Variants in SDK2 observed in about 807,000 individuals in gnomAD.
SDK2 encodes the protein protein sidekick-2.
Under a neutral mutation model 253.9 loss-of-function variants are expected in SDK2, and 105 were observed. The observed-to-expected ratio is 0.41, with a 90% confidence interval of 0.35 to 0.49. The LOEUF is 0.49. SDK2 is among the 20% of genes least tolerant of loss of function. The pLI is 0.06. For missense variants in SDK2, 2,608 were observed against 3,003.0 expected, an observed-to-expected ratio of 0.87 and a Z score of 3.07; for synonymous variants, 1,249 against 1,234.9, an observed-to-expected ratio of 1.01 and a Z score of -0.24.
In SDK2 at chr17:73,555,052, G is replaced by A. The variant is rs1441634301; in HGVS notation, c.65-47455C>T. Among the ~76,000 whole-genome samples, 6 of 152,332 alleles carry A rather than the reference G, an allele frequency of 3.9e-5. No homozygotes were observed. The East Asian group carries it at 1.2e-3, about 29-fold the overall frequency. ...GATGGGGGAGCTTTGTTCTGGGTTG[G>A]CCCTCTGACAGCGCCAATCCCCATC... is the stretch of plus-strand genomic sequence containing the variant. On this transcript the variant is annotated intron_variant, in intron 1 of 44. Coordinates refer to ENST00000392650, the MANE Select transcript of SDK2 (RefSeq NM_001144952.2).
In SDK2 at chr17:73,611,566, T is replaced by C. The variant is rs1041976976; in HGVS notation, c.64+32459A>G. 5.3e-5 allele frequency among the ~76,000 whole-genome samples: 8 copies of C among 152,204 alleles called. 1 individual carries two copies. Among genetic ancestry groups the C allele is most frequent in the African/African-American group, 1.9e-4 (8 of 41,458 alleles). ...AGTTCCCCTGTGGCCTCTGCTCACATGGTAAGTGGAATGAGCACGGCCTCA... is the reference window on the plus strand; with the variant it reads ...AGTTCCCCTGTGGCCTCTGCTCACACGGTAAGTGGAATGAGCACGGCCTCA... On this transcript the variant is annotated intron_variant, in intron 1 of 44. Coordinates refer to ENST00000392650, the MANE Select transcript of SDK2 (RefSeq NM_001144952.2).
rs1193511827 is a variant in SDK2, at chr17:73,443,698, G to A, written c.614-2775C>T. On this transcript the variant is annotated intron_variant, in intron 5 of 44. Transcript: ENST00000392650. The surrounding 1 kb of genome is among the most constrained non-coding windows in gnomAD (Gnocchi z 4.6). ...TGAGGTGGCCAGGGATGCTGGCACA[G>A]TGAGAAAGGGTCCCAGGGGTGAGGA... 6.6e-6 allele frequency among the ~76,000 whole-genome samples: 1 copy of A among 152,250 alleles called. No individual in the cohort carries two copies.
At chr17:73,509,526 A>T (rs78711908) in intron 1 of SDK2, among the ~76,000 whole-genome samples, 3,335 of 151,610 alleles carry the variant, frequency 0.022, 48 homozygotes, top group Non-Finnish European at 0.036. Flanking sequence ...ATGGTGGCTC[A>T]TGCCTGTAAG....
At chr17:73,505,542 A>C (rs2063928300) in intron 2 of SDK2, among the ~76,000 whole-genome samples, 1 of 151,598 alleles carries the variant, frequency 6.6e-6, no homozygotes, top group South Asian at 2.1e-4. Context: ...GGACCTCATC[A>C]TCGTCAATAG....
At chr17:73,527,465 C>T (rs4788852) in intron 1 of SDK2, among the ~76,000 whole-genome samples, 54,904 of 151,892 alleles carry the variant, frequency 0.36, 10,264 homozygotes, top group East Asian at 0.61. Context: ...ACAGCCTGGC[C>T]CATTCACATC....
Position 73,616,330 on chromosome 17 carries a change from C to CA in SDK2, c.64+27694dup, listed in dbSNP as rs1485148808. On this transcript the variant is annotated intron_variant, in intron 1 of 44. Coordinates refer to ENST00000392650, the MANE Select transcript of SDK2 (RefSeq NM_001144952.2). This position sits in a 1 kb window ranked among gnomAD's most constrained non-coding sequence, Gnocchi z 5.2. The stretch of plus-strand genomic sequence containing the variant: ...TTCCACCCCCGGCTCCCCACCTCAA[C>CA]AGTCTCCCCAGCCCCAGCTCAGCAT... Among the ~76,000 whole-genome samples, 5 of 152,170 alleles carry CA rather than the reference C, an allele frequency of 3.3e-5. No homozygotes were observed. Among genetic ancestry groups the CA allele is most frequent in the Non-Finnish European group, 7.4e-5 (5 of 68,012 alleles).
At position 73,616,001 on chromosome 17, in the gene SDK2, G is replaced by A. The variant is rs567092648; in HGVS notation, c.64+28024C>T. ...ACACAACCCAAATACACGTACACAC[G>A]CATGCATGTAGACACATATGCATAT... On this transcript the variant is annotated intron_variant, in intron 1 of 44. Coordinates refer to ENST00000392650, the MANE Select transcript of SDK2 (RefSeq NM_001144952.2). The surrounding 1 kb of genome is among the most constrained non-coding windows in gnomAD (Gnocchi z 5.2). Among the ~76,000 whole-genome samples, 12 of 151,972 alleles carry A rather than the reference G, an allele frequency of 7.9e-5. No homozygotes were observed. The highest frequency in any genetic ancestry group is 1.3e-4 in the Admixed American group (2 of 15,276).
Position 73,361,615 on chromosome 17 carries a change from G to A in SDK2, c.5467+69C>T, listed in dbSNP as rs2062640810. On this transcript the variant is annotated intron_variant, in intron 39 of 44. Coordinates refer to ENST00000392650, the MANE Select transcript of SDK2 (RefSeq NM_001144952.2). The surrounding 1 kb of genome is among the most constrained non-coding windows in gnomAD (Gnocchi z 4.1). ...AGGGTCCAGCACAGCTCTTGACACC[G>A]GGGGCCCCTTCTGACTGGGGACGCT... 9 of 1,504,970 alleles carry A rather than the reference G, an allele frequency of 6.0e-6. No homozygotes were observed. The highest frequency in any genetic ancestry group is 1.7e-5 in the Admixed American group (1 of 57,160). 93.2% of individuals were successfully genotyped at this position (1,504,970 alleles called of 1,614,324 possible).
chr17:73,483,832 T>G (rs2063754104), intron 2 of SDK2, among the ~76,000 whole-genome samples: 1 of 149,696 alleles, frequency 6.7e-6, no homozygotes, highest in African/African-American at 2.5e-5. Context: ...CATGAGCCAC[T>G]GCGCCCAGCC....
At chr17:73,466,411 A>G (rs1332855361) in intron 3 of SDK2, among the ~76,000 whole-genome samples, 1 of 152,200 alleles carries the variant, frequency 6.6e-6, no homozygotes, top group Non-Finnish European at 1.5e-5. Flanking sequence ...AATGAAAACC[A>G]AAGTTACAGA....
chr17:73,628,617 C>A (rs1318244840), intron 1 of SDK2, among the ~76,000 whole-genome samples: 1 of 152,204 alleles, frequency 6.6e-6, no homozygotes, highest in African/African-American at 2.4e-5. Context: ...AACTGACCAC[C>A]TGGGACGGGC....
intron 2 of SDK2, among the ~76,000 whole-genome samples, chr17:73,474,354 G>A (rs1176596585): frequency 6.6e-6 from 1 of 152,158 alleles, no homozygotes; most frequent in Non-Finnish European, 1.5e-5. Flanking sequence ...TCAGTAACCT[G>A]TAAGTTTCAC....
chr17:73,543,150 C>A (rs1156342123), intron 1 of SDK2, among the ~76,000 whole-genome samples: 2 of 152,096 alleles, frequency 1.3e-5, no homozygotes, highest in African/African-American at 4.8e-5. Flanking sequence ...GATGAGTGAC[C>A]GGCAGCCTTC....
chr17:73,489,394 C>A (rs902462331), intron 2 of SDK2, among the ~76,000 whole-genome samples: 13 of 152,180 alleles, frequency 8.5e-5, no homozygotes, highest in African/African-American at 2.9e-4. Flanking sequence ...CAAGCTAATT[C>A]ATACTACGAT....
chr17:73,455,797 G>A lies in SDK2; in HGVS notation c.479+109C>T. On this transcript the variant is annotated intron_variant, in intron 4 of 44. Coordinates refer to ENST00000392650, the MANE Select transcript of SDK2 (RefSeq NM_001144952.2). This position sits in a 1 kb window ranked among gnomAD's most constrained non-coding sequence, Gnocchi z 5.0. ...CTGTGTCCCACAGGAGCTGAAAGGG[G>A]CTTCTGCACAAAGGCCCTCCTCCAC... 8.1e-7 allele frequency: 1 copy of A among 1,238,452 alleles called. No homozygotes were observed. Among genetic ancestry groups the A allele is most frequent in the Non-Finnish European group, 1.1e-6 (1 of 926,086 alleles). 76.7% of individuals were successfully genotyped at this position (1,238,452 alleles called of 1,614,324 possible).
chr17:73,526,262 C>G (rs35834861), intron 1 of SDK2, among the ~76,000 whole-genome samples: 8,491 of 151,532 alleles, frequency 0.056, 277 homozygotes, highest in Middle Eastern at 0.12. Context: ...TTGGGGGCTG[C>G]AAGGTTGGGG....
chr17:73,378,222 C>T (rs1483495452), intron 36 of SDK2, among the ~76,000 whole-genome samples: 1 of 152,066 alleles, frequency 6.6e-6, no homozygotes, highest in Admixed American at 6.5e-5. Flanking sequence ...CCTCAGCCTC[C>T]CAAGTAGCTG....
chr17:73,604,686 C>G (rs1174861450), intron 1 of SDK2, among the ~76,000 whole-genome samples: 1 of 152,126 alleles, frequency 6.6e-6, no homozygotes, highest in Admixed American at 6.5e-5. Flanking sequence ...ATTAGGGTTT[C>G]AGGCCTAAGC....
intron 1 of SDK2, among the ~76,000 whole-genome samples, chr17:73,554,431 G>A (rs2045112455): frequency 6.6e-6 from 1 of 152,208 alleles, no homozygotes; most frequent in African/African-American, 2.4e-5. Context: ...ATCCCATGTG[G>A]CTGAAGTCCT....
Sources: allele counts gnomAD v4.1 joint callset (sites outside exome capture counted in the v4.1 genomes callset), GRCh38; gene constraint gnomAD v4.1.1; non-coding constraint Gnocchi (gnomAD v3.1); transcripts MANE v1.5; gene names NCBI Gene and HGNC (gene_info 2026-07-23, HGNC 2026-07-21).